The following PTPRQ variants were observed in gnomAD, a reference collection of about 807,000 sequenced individuals.
The protein encoded by PTPRQ is phosphatidylinositol phosphatase PTPRQ.
Under a neutral mutation model 246.0 loss-of-function variants are expected in PTPRQ, and 199 were observed. The ratio of observed to expected loss-of-function variants is 0.81; its 90% CI spans 0.72 to 0.91. The LOEUF (loss-of-function observed/expected upper bound fraction) is 0.91, where lower values mean the gene tolerates loss of function less well. Among genes scored for constraint, PTPRQ ranks in the 40% least tolerant of loss-of-function variants. The pLI, the probability that PTPRQ is intolerant of heterozygous loss-of-function variation, is 0.00. For synonymous variants in PTPRQ, 869 were observed against 853.2 expected, an observed-to-expected ratio of 1.02 and a Z score of -0.32; for missense variants, 2,624 against 2,528.4, an observed-to-expected ratio of 1.04 and a Z score of -0.81.
At chr12:80,460,159 ATACT>A (rs1196345179) in intron 5 of PTPRQ, among the ~76,000 whole-genome samples, 2 of 152,232 alleles carry the variant, frequency 1.3e-5, no homozygotes, top group Non-Finnish European at 2.9e-5. Context: ...TTTGCTGTAA[ATACT>A]TTATAAAAGT....
chr12:80,536,609 C>T (rs1248138365), intron 19 of PTPRQ, among the ~76,000 whole-genome samples: 1 of 152,144 alleles, frequency 6.6e-6, no homozygotes, highest in Non-Finnish European at 1.5e-5. Context: ...CAGATGTAAT[C>T]GTAAATCAAC....
chr12:80,449,926 G>T (rs1281053362), intron 3 of PTPRQ, among the ~76,000 whole-genome samples: 1 of 152,152 alleles, frequency 6.6e-6, no homozygotes, highest in African/African-American at 2.4e-5. Flanking sequence ...GTCATTGGTA[G>T]CTTGATGGGG....
At chr12:80,498,330 T>G (rs986400032) in intron 14 of PTPRQ, among the ~76,000 whole-genome samples, 2 of 152,060 alleles carry the variant, frequency 1.3e-5, no homozygotes, top group Non-Finnish European at 2.9e-5. Flanking sequence ...ACTAAAGCAA[T>G]ACATTATTGT....
intron 32 of PTPRQ, among the ~76,000 whole-genome samples, chr12:80,620,815 AC>A (rs1005168398): frequency 6.6e-6 from 1 of 151,706 alleles, no homozygotes; most frequent in African/African-American, 2.4e-5. Flanking sequence ...CATAACAATA[AC>A]TCTCTGCTTT....
intron 35 of PTPRQ, among the ~76,000 whole-genome samples, chr12:80,646,776 GAT>G (rs1271817825): frequency 6.6e-6 from 1 of 151,970 alleles, no homozygotes; most frequent in Admixed American, 6.6e-5. Context: ...TTTAGGGAGA[GAT>G]TTTAAATGCA....
rs112147802 is a variant in PTPRQ at position 80,658,034 on chromosome 12, G to A, written c.6165G>A (p.Ser2055=). 4.9e-4 allele frequency: 700 copies of A among 1,430,770 alleles called. 2 individuals carry two copies. In the African/African-American group the frequency reaches 8.2e-3, roughly 17 times the overall value. 88.6% of individuals were successfully genotyped at this position (1,430,770 alleles called of 1,614,324 possible). The change falls in exon 39 of 45, where the codon TCG becomes TCA. Residue 2055 remains serine (S), a synonymous_variant. Coordinates refer to ENST00000644991, the MANE Select transcript of PTPRQ (RefSeq NM_001145026.2). The part of the protein sequence containing the change: ...KLIADASVPG[S]DYINASYISG... Reference sequence around the variant, plus strand: ...TAGCTGACGCTAGTGTTCCAGGTTCGGATTATATTAATGCCAGCTATATTT... The same window carrying A: ...TAGCTGACGCTAGTGTTCCAGGTTCAGATTATATTAATGCCAGCTATATTT...
intron 3 of PTPRQ, chr12:80,454,496 A>G: frequency 1.4e-6 from 1 of 702,358 alleles, no homozygotes; most frequent in Non-Finnish European, 2.6e-6. Context: ...TAGGCCTTCC[A>G]GTACTGTGTT....
intron 25 of PTPRQ, among the ~76,000 whole-genome samples, chr12:80,558,280 G>A (rs1373294517): frequency 6.6e-6 from 1 of 151,524 alleles, no homozygotes; most frequent in African/African-American, 2.4e-5. Flanking sequence ...TCATTCTTCT[G>A]CCTCAGCCTC....
At chr12:80,448,111 G>T (rs1892609385) in intron 3 of PTPRQ, among the ~76,000 whole-genome samples, 1 of 151,852 alleles carries the variant, frequency 6.6e-6, no homozygotes, top group Non-Finnish European at 1.5e-5. Context: ...CACCTCCTTT[G>T]TAAAATGTAT....
chr12:80,622,105 C>T lies in PTPRQ; in HGVS notation c.5657C>T (p.Ser1886Phe). 6.9e-7 allele frequency: 1 copy of T among 1,447,124 alleles called. No homozygotes were observed. Among genetic ancestry groups the T allele is most frequent in the Non-Finnish European group, 9.1e-7 (1 of 1,096,112 alleles). The allele number at this position is 1,447,124 out of a possible 1,614,324, so 89.6% of individuals were successfully genotyped here. A position where few individuals can be genotyped will look rare whatever the true frequency, so the allele number is the denominator to read the frequency against. The change falls in exon 33 of 45, where the codon TCT becomes TTT. Residue 1886 changes from serine (S) to phenylalanine (F), a missense_variant. Ser to Phe is a radical substitution (Grantham distance 155). Coordinates refer to ENST00000644991, the MANE Select transcript of PTPRQ (RefSeq NM_001145026.2). Reference sequence around the variant, plus strand: ...AATATTATGGGACAATTTACTGACTCTGATTATTCTGACCCTGTTAAGACT... The same window carrying T: ...AATATTATGGGACAATTTACTGACTTTGATTATTCTGACCCTGTTAAGACT... ...ATNIMGQFTD[S>F]DYSDPVKTLG...
chr12:80,674,921 G>T (rs1190786911), intron 43 of PTPRQ, among the ~76,000 whole-genome samples: 1 of 152,088 alleles, frequency 6.6e-6, no homozygotes, highest in Non-Finnish European at 1.5e-5. Context: ...TGATGAATGT[G>T]TTAGTCTTGC....
At chr12:80,484,878 T>C (rs1301662637) in intron 9 of PTPRQ, among the ~76,000 whole-genome samples, 1 of 152,180 alleles carries the variant, frequency 6.6e-6, no homozygotes, top group Non-Finnish European at 1.5e-5. Flanking sequence ...GTTAATATTA[T>C]TTTTCTAAAT....
chr12:80,629,858 A>T (rs1899355335), intron 33 of PTPRQ, among the ~76,000 whole-genome samples: 1 of 152,170 alleles, frequency 6.6e-6, no homozygotes, highest in African/African-American at 2.4e-5. Flanking sequence ...TGGAACATAC[A>T]TAAAACTAGA....
At chr12:80,472,358 G>T (rs1456259600) in intron 8 of PTPRQ, 107 bp downstream of exon 8, 1 of 1,419,084 alleles carries the variant, frequency 7.0e-7, no homozygotes, top group East Asian at 2.5e-5. Flanking sequence ...CTTAAATCAT[G>T]TTATTTCCTT....
At chr12:80,638,267 TAAAA>T (rs148232481) in intron 35 of PTPRQ, among the ~76,000 whole-genome samples, 1 of 138,608 alleles carries the variant, frequency 7.2e-6, no homozygotes. Flanking sequence ...GAAACTCCGT[TAAAA>T]AAAAAAAAAA....
intron 14 of PTPRQ, among the ~76,000 whole-genome samples, chr12:80,499,364 C>A (rs1046607831): frequency 2.4e-4 from 36 of 151,978 alleles, no homozygotes; most frequent in Non-Finnish European, 4.9e-4. Context: ...ATGGAATCTA[C>A]ATTAGTGACT....
chr12:80,678,715 C>T lies in PTPRQ; in HGVS notation c.6852C>T (p.Asp2284=), dbSNP rs377696644. Reference sequence around the variant, plus strand: ...CACTTCAGAAGATGGACTCTTTGGACGCCATGGAAGGTAAACAGAAACAAC... The same window carrying T: ...CACTTCAGAAGATGGACTCTTTGGATGCCATGGAAGGTAAACAGAAACAAC... ...YSALQKMDSL[D]AMEGDVELEW... Residue 2284 remains aspartate, a synonymous_variant, in exon 44 of 45, where the codon GAC becomes GAT. Coordinates refer to ENST00000644991, the MANE Select transcript of PTPRQ (RefSeq NM_001145026.2). The T allele has an allele frequency of 5.8e-5, 90 of 1,548,686 alleles. No individual in the cohort carries two copies. In the South Asian group the frequency reaches 6.6e-4, roughly 11 times the overall value.
chr12:80,587,615 A>T (rs978349629), intron 25 of PTPRQ, among the ~76,000 whole-genome samples: 43 of 147,556 alleles, frequency 2.9e-4, no homozygotes, highest in African/African-American at 9.9e-4. Flanking sequence ...GAGATAAAAT[A>T]AAAAAAAATA....
At chr12:80,624,170 T>C (rs892627701) in intron 33 of PTPRQ, among the ~76,000 whole-genome samples, 1 of 152,076 alleles carries the variant, frequency 6.6e-6, no homozygotes, top group Non-Finnish European at 1.5e-5. Context: ...GTAAAAGATG[T>C]GTAATGAAGG....
Sources: allele counts gnomAD v4.1 joint callset (sites outside exome capture counted in the v4.1 genomes callset), GRCh38; gene constraint gnomAD v4.1.1; transcripts MANE v1.5; gene names NCBI Gene and HGNC (gene_info 2026-07-23, HGNC 2026-07-21).